Variants in HYDIN observed in about 807,000 individuals in gnomAD.
HYDIN encodes axonemal central pair apparatus protein HYDIN.
Under a neutral mutation model 403.9 loss-of-function variants are expected in HYDIN, and 132 were observed. That is an observed-to-expected ratio of 0.33 (90% CI 0.28 to 0.38). The LOEUF (loss-of-function observed/expected upper bound fraction) is 0.38, where lower values mean the gene tolerates loss of function less well. Among genes scored for constraint, HYDIN ranks in the 10% least tolerant of loss-of-function variants. The pLI is 1.00. For synonymous variants in HYDIN, 1,202 were observed against 1,891.7 expected (o/e 0.64, Z 9.46); for missense variants, 2,827 against 5,009.5 (o/e 0.56, Z 13.15).
intron 45 of HYDIN, among the ~76,000 whole-genome samples, chr16:70,930,377 A>T (rs980405007): frequency 6.6e-6 from 1 of 152,154 alleles, no homozygotes; most frequent in African/African-American, 2.4e-5. Context: ...GCTACTTGGG[A>T]GGCTGAGGCA....
intron 1 of HYDIN, among the ~76,000 whole-genome samples, chr16:71,208,823 C>T (rs1272912908): frequency 6.6e-6 from 1 of 152,168 alleles, no homozygotes; most frequent in East Asian, 1.9e-4. Flanking sequence ...TGGATACATA[C>T]ATCCTCCCAA....
chr16:70,886,536 T>C lies in HYDIN; in HGVS notation c.9775-2412A>G, dbSNP rs202239517. 5.3e-5 allele frequency among the ~76,000 whole-genome samples: 8 copies of C among 152,354 alleles called. No individual in the cohort carries two copies. The East Asian group carries it at 1.2e-3, about 22-fold the overall frequency. On this transcript the variant is annotated intron_variant, in intron 58 of 85. Coordinates refer to ENST00000393567, the MANE Select transcript of HYDIN (RefSeq NM_001270974.2). ...TTTTTTCTTCCTTGTTGATGTCCCA[T>C]GATTTTATCTTCTGTTATTTACTTT... is the stretch of plus-strand genomic sequence containing the variant.
rs2035091804 is a variant in HYDIN at position 70,806,066 on chromosome 16, A to G, written c.*1514T>C. ...GCAGGTCAACTGTCATGGGATCGCAATGCTTGTGTTCAAGGAAACCTTATT... is the reference window on the plus strand; with the variant it reads ...GCAGGTCAACTGTCATGGGATCGCAGTGCTTGTGTTCAAGGAAACCTTATT... On this transcript the variant is annotated 3_prime_UTR_variant, in exon 86 of 86. Transcript: ENST00000393567. Among the ~76,000 whole-genome samples the G allele has an allele frequency of 6.6e-6, 1 of 152,186 alleles. No homozygotes were observed. Among genetic ancestry groups the G allele is most frequent in the South Asian group, 2.1e-4 (1 of 4,818 alleles).
chr16:71,003,452 C>CT (rs56328114), intron 23 of HYDIN, among the ~76,000 whole-genome samples: 4,037 of 142,892 alleles, frequency 0.028, 161 homozygotes, highest in African/African-American at 0.092. Flanking sequence ...TTTCTAAGTA[C>CT]TTTTTTTTTT....
intron 9 of HYDIN, among the ~76,000 whole-genome samples, chr16:71,116,413 C>A (rs2084035356): frequency 6.6e-6 from 1 of 152,208 alleles, no homozygotes; most frequent in South Asian, 2.1e-4. Flanking sequence ...GTACACACTT[C>A]TTTTTTCATT....
chr16:70,996,304 T>C (rs2079531007), intron 23 of HYDIN, among the ~76,000 whole-genome samples: 1 of 152,192 alleles, frequency 6.6e-6, no homozygotes, highest in Admixed American at 6.5e-5. Flanking sequence ...TACAGTGTTG[T>C]AGGATTCTAA....
chr16:70,844,496 CT>C (rs537984603), intron 75 of HYDIN, among the ~76,000 whole-genome samples: 3,624 of 143,702 alleles, frequency 0.025, 397 homozygotes, highest in Admixed American at 0.19. Flanking sequence ...CAGCTTTGTT[CT>C]TTTGGCTTAG....
intron 13 of HYDIN, among the ~76,000 whole-genome samples, chr16:71,071,129 C>T (rs1408107861): frequency 3.5e-5 from 5 of 141,716 alleles, no homozygotes; most frequent in African/African-American, 1.3e-4. Context: ...ATGAGTTAGA[C>T]GATCTGTGAA....
intron 10 of HYDIN, among the ~76,000 whole-genome samples, chr16:71,104,102 T>C (rs1025283418): frequency 2.6e-5 from 4 of 151,820 alleles, no homozygotes; most frequent in Non-Finnish European, 5.9e-5. Context: ...CTTGTACTAG[T>C]TAACTACACT....
intron 44 of HYDIN, among the ~76,000 whole-genome samples, chr16:70,937,138 ATGTGTG>A (rs141908902): frequency 1.4e-5 from 2 of 146,054 alleles, no homozygotes; most frequent in East Asian, 2.0e-4. Flanking sequence ...GTGTGTGTGC[ATGTGTG>A]TGTGTGTGTG....
intron 45 of HYDIN, among the ~76,000 whole-genome samples, chr16:70,934,088 C>G (rs915692214): frequency 6.6e-6 from 1 of 152,060 alleles, no homozygotes; most frequent in African/African-American, 2.4e-5. Flanking sequence ...AAGGAGGGTA[C>G]GATCCACAGT....
chr16:71,056,244 C>G (rs11641158), intron 18 of HYDIN, among the ~76,000 whole-genome samples: 43,853 of 151,028 alleles, frequency 0.29, 8,114 homozygotes, highest in Non-Finnish European at 0.41. Context: ...TGCAGGCATT[C>G]CAAAGCAAAG....
intron 37 of HYDIN, among the ~76,000 whole-genome samples, chr16:70,964,276 T>C (rs1431333554): frequency 6.7e-6 from 1 of 149,410 alleles, no homozygotes; most frequent in Non-Finnish European, 1.5e-5. Flanking sequence ...AGTTTCTACC[T>C]TGTGTGACAC....
At chr16:71,022,734 T>C (rs889601440) in intron 21 of HYDIN, among the ~76,000 whole-genome samples, 1 of 146,982 alleles carries the variant, frequency 6.8e-6, no homozygotes, top group African/African-American at 2.5e-5. Flanking sequence ...TTCAAACTTC[T>C]CATCTTTGTG....
intron 10 of HYDIN, among the ~76,000 whole-genome samples, chr16:71,106,263 T>C (rs185124340): frequency 7.2e-5 from 11 of 152,126 alleles, no homozygotes; most frequent in African/African-American, 2.4e-4. Flanking sequence ...TATTTTCACA[T>C]AATGCTTCTT....
chr16:70,850,597 T>C lies in HYDIN; in HGVS notation c.12502A>G (p.Ile4168Val), dbSNP rs370778227. The part of the protein sequence containing the change: ...KQEGDVNFNL[I>V]CNVEKKVHPV... ...TGGACTTTCTTTTCCACATTGCAGA[T>C]CAAATTAAAGTTCACATCTCCTTCC... Residue 4168 changes from isoleucine (I) to valine (V), a missense_variant, in exon 74 of 86, where the codon ATC (isoleucine) becomes GTC (valine). Coordinates refer to ENST00000393567, the MANE Select transcript of HYDIN (RefSeq NM_001270974.2). 4.8e-5 allele frequency: 77 copies of C among 1,613,834 alleles called. No homozygotes were observed. The highest frequency in any genetic ancestry group is 6.4e-5 in the Non-Finnish European group (75 of 1,179,964).
rs184304111 is a variant in HYDIN, at chr16:71,185,167, G to A, written c.136-177C>T. 1.5e-3 allele frequency among the ~76,000 whole-genome samples: 233 copies of A among 152,118 alleles called. 1 individual carries two copies. Among genetic ancestry groups the A allele is most frequent in the Admixed American group, 2.6e-3 (39 of 15,264 alleles). ...TAAATTATATAAGAGAAGTACCCAC[G>A]CACTTTTGAGGTCTTTGCACGGTAA... On this transcript the variant is annotated intron_variant, in intron 2 of 85. Coordinates refer to ENST00000393567, the MANE Select transcript of HYDIN (RefSeq NM_001270974.2).
intron 6 of HYDIN, among the ~76,000 whole-genome samples, chr16:71,156,911 G>A (rs1217646790): frequency 6.6e-6 from 1 of 151,958 alleles, no homozygotes; most frequent in Non-Finnish European, 1.5e-5. Flanking sequence ...TATGTTCTCT[G>A]TACATTTTAC....
At position 70,936,695 on chromosome 16, in the gene HYDIN, G is replaced by A. The variant is rs567276787; in HGVS notation, c.6996-581C>T. Reference sequence around the variant, plus strand: ...ATTACAGGTGTGCACCAACATGCCCGGCTAACTTGTATTTTTAGTAGAGAC... The same window carrying A: ...ATTACAGGTGTGCACCAACATGCCCAGCTAACTTGTATTTTTAGTAGAGAC... On this transcript the variant is annotated intron_variant, in intron 44 of 85. Transcript: ENST00000393567. Among the ~76,000 whole-genome samples the A allele has an allele frequency of 5.3e-5, 8 of 151,176 alleles. No homozygotes were observed. In the East Asian group the frequency reaches 5.9e-4, roughly 11 times the overall value.
Sources: gnomAD v4.1 joint callset for allele counts (sites outside exome capture counted in the v4.1 genomes callset) on GRCh38, gnomAD v4.1.1 for gene constraint, MANE v1.5 for transcripts, NCBI Gene and HGNC (gene_info 2026-07-23, HGNC 2026-07-21) for gene names.